The following FOXN3 variants were observed in gnomAD, a reference collection of about 807,000 sequenced individuals.
The protein encoded by FOXN3 is forkhead box N3, also known as forkhead box protein N3.
FOXN3 carries 7 observed loss-of-function variants against 38.4 expected under a neutral mutation model. The observed-to-expected ratio is 0.18, with a 90% CI of 0.10 to 0.34. The LOEUF is 0.34. Ranked by LOEUF, FOXN3 falls within the 10% of genes least tolerant of loss-of-function variation. The probability of loss-of-function intolerance (pLI) is 1.00; values close to 1 mark genes in which losing one functional copy is unlikely to be tolerated. For synonymous variants in FOXN3, 230 were observed against 242.2 expected (o/e 0.95, Z 0.47); for missense variants, 456 against 613.4 (o/e 0.74, Z 2.71).
intron 1 of FOXN3, among the ~76,000 whole-genome samples, chr14:89,432,821 T>G (rs186222226): frequency 1.7e-4 from 26 of 152,266 alleles, no homozygotes; most frequent in African/African-American, 6.3e-4. Flanking sequence ...GGTTTGAGTT[T>G]TGCATAGCAT....
rs977840215 is a variant in FOXN3, at chr14:89,436,133, G to A, written c.-14-23643C>T. On this transcript the variant is annotated intron_variant, in intron 1 of 6. Coordinates refer to the FOXN3 transcript ENST00000345097. ...TGAGATCACAGGAGTGTGCCACCGCGCCCGGCCTGTAGATCAAAATCTACA... is the reference window on the plus strand; with the variant it reads ...TGAGATCACAGGAGTGTGCCACCGCACCCGGCCTGTAGATCAAAATCTACA... Among the ~76,000 whole-genome samples, 15 of 151,434 alleles carry A rather than the reference G, an allele frequency of 9.9e-5. No homozygotes were observed. The South Asian group carries it at 1.2e-3, about 13-fold the overall frequency.
At chr14:89,297,289 G>A (rs1233880624) in intron 3 of FOXN3, among the ~76,000 whole-genome samples, 1 of 152,124 alleles carries the variant, frequency 6.6e-6, no homozygotes, top group Non-Finnish European at 1.5e-5. Context: ...GGGGCCGGGC[G>A]CGGTGGCTCA....
intron 1 of FOXN3, among the ~76,000 whole-genome samples, chr14:89,611,564 T>A (rs1211334390): frequency 6.6e-6 from 1 of 152,136 alleles, no homozygotes; most frequent in Non-Finnish European, 1.5e-5. Context: ...CCCAGCACTT[T>A]GGGAGGCCAA....
intron 3 of FOXN3, among the ~76,000 whole-genome samples, chr14:89,303,601 C>T (rs1280764984): frequency 1.3e-5 from 2 of 152,066 alleles, no homozygotes; most frequent in Non-Finnish European, 2.9e-5. Flanking sequence ...GGAAAAGTCA[C>T]TTAATGAGGG....
intron 3 of FOXN3, among the ~76,000 whole-genome samples, chr14:89,312,167 C>A (rs1887569811): frequency 1.3e-5 from 2 of 151,636 alleles, no homozygotes; most frequent in African/African-American, 4.8e-5. Flanking sequence ...CACCTGTAAT[C>A]CCAGCTACTC....
At position 89,160,858 on chromosome 14, in the gene FOXN3, CA is replaced by C. The variant is rs1164270291; in HGVS notation, c.*1555del. On this transcript the variant is annotated 3_prime_UTR_variant, in exon 6 of 6. Coordinates refer to ENST00000557258, the MANE Select transcript of FOXN3 (RefSeq NM_005197.4). ...AAGGTTAAACCTTAAACACCTGCTT[CA>C]AAAAACCAAAACAAAATAACCCGAA... 7.4e-6 allele frequency: 1 copy of C among 135,102 alleles called. No individual in the cohort carries two copies. Among genetic ancestry groups the C allele is most frequent in the East Asian group, 2.2e-4 (1 of 4,520 alleles). 8.4% of individuals were successfully genotyped at this position (135,102 alleles called of 1,614,324 possible). A position where few individuals can be genotyped will look rare whatever the true frequency, so the allele number is the denominator to read the frequency against.
intron 1 of FOXN3, among the ~76,000 whole-genome samples, chr14:89,585,118 C>T (rs1895817389): frequency 6.6e-6 from 1 of 152,138 alleles, no homozygotes; most frequent in Admixed American, 6.5e-5. Context: ...TAATCAAACG[C>T]AATGTATAAG....
At chr14:89,498,638 C>G (rs1893736505) in intron 1 of FOXN3, among the ~76,000 whole-genome samples, 1 of 152,102 alleles carries the variant, frequency 6.6e-6, no homozygotes, top group South Asian at 2.1e-4. Context: ...TGAGAACTAC[C>G]TGGATTTGGT....
intron 3 of FOXN3, among the ~76,000 whole-genome samples, chr14:89,325,298 C>CCAACAT (rs1888031964): frequency 7.1e-6 from 1 of 140,986 alleles, no homozygotes; most frequent in African/African-American, 2.6e-5. Flanking sequence ...ACCACCAACA[C>CCAACAT]CAACACCACC....
upstream of FOXN3, among the ~76,000 whole-genome samples, chr14:89,421,232 C>A (rs1479578737): frequency 6.6e-6 from 1 of 150,716 alleles, no homozygotes; most frequent in Non-Finnish European, 1.5e-5. Flanking sequence ...TCACTGCAAC[C>A]TCCACCTCCC....
chr14:89,315,933 A>G (rs1887704842), intron 3 of FOXN3, among the ~76,000 whole-genome samples: 1 of 151,920 alleles, frequency 6.6e-6, no homozygotes, highest in African/African-American at 2.4e-5. Flanking sequence ...ATCCCAGGCA[A>G]CTCTCTAAAG....
At chr14:89,382,619 G>A (rs1295216475) in intron 2 of FOXN3, among the ~76,000 whole-genome samples, 1 of 152,196 alleles carries the variant, frequency 6.6e-6, no homozygotes, top group Non-Finnish European at 1.5e-5. Flanking sequence ...GAATAGGAAG[G>A]ATCTGAGTTC....
At chr14:89,275,549 C>T (rs1886273345) in intron 4 of FOXN3, among the ~76,000 whole-genome samples, 1 of 152,230 alleles carries the variant, frequency 6.6e-6, no homozygotes, top group Non-Finnish European at 1.5e-5. Flanking sequence ...TCCAGTGTTC[C>T]TTCCACTATA....
rs1895476576 is a variant in FOXN3 at position 89,570,934 on chromosome 14, C to T, written c.-15+48094G>A. On this transcript the variant is annotated intron_variant, in intron 1 of 6. Transcript: ENST00000345097. ...ACCACTGTCAGCAAATAAAAGTAAC[C>T]ATTTCTAGACATTTCAAACTTTGTT... 2.6e-5 allele frequency among the ~76,000 whole-genome samples: 4 copies of T among 152,154 alleles called. No homozygotes were observed. In the South Asian group the frequency reaches 8.3e-4, roughly 32 times the overall value.
chr14:89,581,923 G>A (rs1895747558), intron 1 of FOXN3, among the ~76,000 whole-genome samples: 1 of 151,538 alleles, frequency 6.6e-6, no homozygotes, highest in African/African-American at 2.4e-5. Flanking sequence ...CTAGGTATCT[G>A]GAAACCCAAC....
intron 3 of FOXN3, among the ~76,000 whole-genome samples, chr14:89,314,800 A>T (rs556107568): frequency 6.6e-6 from 1 of 152,330 alleles, no homozygotes. Flanking sequence ...CACTGAAGCC[A>T]TCTTTCTCAA....
chr14:89,424,263 G>A (rs1017573423), intron 1 of FOXN3, among the ~76,000 whole-genome samples: 1 of 152,144 alleles, frequency 6.6e-6, no homozygotes, highest in Admixed American at 6.5e-5. Flanking sequence ...CTCAGAGACT[G>A]TACGTGTGAA....
At chr14:89,389,538 C>A (rs2140075337) in intron 2 of FOXN3, among the ~76,000 whole-genome samples, 1 of 152,272 alleles carries the variant, frequency 6.6e-6, no homozygotes, top group South Asian at 2.1e-4. Context: ...TATTATTAAC[C>A]TTTTTAATTT....
intron 4 of FOXN3, among the ~76,000 whole-genome samples, chr14:89,255,449 G>T (rs142402723): frequency 1.3e-5 from 2 of 151,954 alleles, no homozygotes; most frequent in African/African-American, 4.8e-5. Context: ...GGTGTCAGAC[G>T]CAACAGTACT....
Sources: allele counts gnomAD v4.1 joint callset (sites outside exome capture counted in the v4.1 genomes callset), GRCh38; gene constraint gnomAD v4.1.1; transcripts MANE v1.5; gene names NCBI Gene and HGNC (gene_info 2026-07-23, HGNC 2026-07-21).